The following CEACAM4 variants were observed in gnomAD, a reference collection of about 807,000 sequenced individuals.
CEACAM4 encodes the protein cell adhesion molecule CEACAM4.
In CEACAM4, 30 loss-of-function variants were observed where a neutral mutation model predicts 28.7. The ratio of observed to expected loss-of-function variants is 1.05; its 90% confidence interval spans 0.78 to 1.42. The LOEUF is 1.42. Ranked by LOEUF, CEACAM4 falls within the 40% of genes most tolerant of loss-of-function variation. The pLI, the probability that CEACAM4 is intolerant of heterozygous loss-of-function variation, is 0.00. For missense variants in CEACAM4, 330 were observed against 308.2 expected (o/e 1.07, Z -0.53); for synonymous variants, 143 against 126.5 (o/e 1.13, Z -0.87).
At chr19:41,615,785 C>G (rs2070976343), downstream of CEACAM4, among the ~76,000 whole-genome samples, 2 of 152,072 alleles carry the variant, frequency 1.3e-5, no homozygotes, top group African/African-American at 4.8e-5. Context: ...CAGAAGCCCT[C>G]CATTGTACCC....
intron 4 of CEACAM4, 46 bp from the exon 5 acceptor site, chr19:41,620,288 G>A: frequency 1.4e-6 from 2 of 1,418,580 alleles, no homozygotes; most frequent in Non-Finnish European, 1.8e-6. Flanking sequence ...AGGAGAGCCT[G>A]GGCCCCTCCT....
rs767572226 is a variant in CEACAM4 at position 41,619,122 on chromosome 19, C to A, written c.*208G>T. ...CCCGCTTCCTGTGGTGATGAGAGGC[C>A]TTTGTCCCGGCCCACCCAGAGCCCA... On this transcript the variant is annotated 3_prime_UTR_variant, in exon 7 of 7. Coordinates refer to ENST00000221954, the MANE Select transcript of CEACAM4 (RefSeq NM_001817.4). 2 of 575,562 alleles carry A rather than the reference C, an allele frequency of 3.5e-6. No individual in the cohort carries two copies. Among genetic ancestry groups the A allele is most frequent in the Non-Finnish European group, 6.2e-6 (2 of 325,036 alleles). 35.7% of individuals were successfully genotyped at this position (575,562 alleles called of 1,614,324 possible). A position where few individuals can be genotyped will look rare whatever the true frequency, so the allele number is the denominator to read the frequency against.
chr19:41,619,835 C>G (rs1555800429), intron 5 of CEACAM4, 124 bp from the exon 6 acceptor site: 1 of 828,006 alleles, frequency 1.2e-6, no homozygotes, highest in Middle Eastern at 2.8e-4. Flanking sequence ...ACTCATTTCC[C>G]CTCAGGATTG....
downstream of CEACAM4, chr19:41,618,994 C>T (rs2071080964): frequency 3.1e-6 from 1 of 325,406 alleles, no homozygotes; most frequent in South Asian, 9.5e-5. Context: ...GCTAAGTTCC[C>T]GTGAGCAGAA....
At chr19:41,619,966 C>T (rs9304596) in intron 5 of CEACAM4, among the ~76,000 whole-genome samples, 44,533 of 152,034 alleles carry the variant, frequency 0.29, 6,999 homozygotes, top group Non-Finnish European at 0.34. Context: ...CCAGTGTCCA[C>T]TCTGCACCTG....
At chr19:41,621,608 G>T (rs547195118) in intron 3 of CEACAM4, 43 bp downstream of exon 3, 3 of 1,121,248 alleles carry the variant, frequency 2.7e-6, no homozygotes, top group South Asian at 2.6e-5. Flanking sequence ...CCTGACTGGG[G>T]TCAGCCTAGG....
intron 2 of CEACAM4, among the ~76,000 whole-genome samples, chr19:41,622,981 T>C (rs781910654): frequency 8.5e-5 from 13 of 152,222 alleles, no homozygotes; most frequent in Non-Finnish European, 1.6e-4. Flanking sequence ...GTCTATGCTT[T>C]CCATTGCAGC....
In CEACAM4 at chr19:41,625,974, ACAG is replaced by A. The variant is rs2071623192; in HGVS notation, c.65-17_65-15del. On this transcript the variant is annotated splice_polypyrimidine_tract_variant and intron_variant, in intron 1 of 6. Coordinates refer to ENST00000221954, the MANE Select transcript of CEACAM4 (RefSeq NM_001817.4). ...TTAAAAGTGAGGCTAGGAGGTGAAGACAGCATCAGTCAATACTGGGACCTATGG... is the reference window on the plus strand; with the variant it reads ...TTAAAAGTGAGGCTAGGAGGTGAAGACATCAGTCAATACTGGGACCTATGG... 1 of 1,597,408 alleles carries A rather than the reference ACAG, an allele frequency of 6.3e-7. No homozygotes were observed. The highest frequency in any genetic ancestry group is 1.3e-5 in the African/African-American group (1 of 74,458).
downstream of CEACAM4, among the ~76,000 whole-genome samples, chr19:41,616,034 T>C (rs1217671140): frequency 2.0e-5 from 3 of 152,008 alleles, no homozygotes; most frequent in African/African-American, 7.3e-5. Flanking sequence ...ATTCTTTTTG[T>C]TTTGTTTTGT....
chr19:41,620,006 AG>A (rs1317255757), intron 5 of CEACAM4, among the ~76,000 whole-genome samples: 1 of 152,046 alleles, frequency 6.6e-6, no homozygotes, highest in Non-Finnish European at 1.5e-5. Context: ...TCAGGTGTAG[AG>A]GGTCCCGGGG....
At position 41,619,132 on chromosome 19, in the gene CEACAM4, G is replaced by T; in HGVS notation, c.*198C>A. 1.7e-6 allele frequency: 1 copy of T among 582,636 alleles called. No individual in the cohort carries two copies. The allele number at this position is 582,636 out of a possible 1,614,324, so 36.1% of individuals were successfully genotyped here. On this transcript the variant is annotated 3_prime_UTR_variant, in exon 7 of 7. Coordinates refer to ENST00000221954, the MANE Select transcript of CEACAM4 (RefSeq NM_001817.4). ...GTGGTGATGAGAGGCCTTTGTCCCG[G>T]CCCACCCAGAGCCCAGGGCAACCTG... is the stretch of plus-strand genomic sequence containing the variant.
At chr19:41,620,466 C>G in intron 4 of CEACAM4, 109 bp downstream of exon 4, 1 of 985,276 alleles carries the variant, frequency 1.0e-6, no homozygotes, top group Non-Finnish European at 1.5e-6. Context: ...CTGACATCCT[C>G]CTTGCAGCCC....
chr19:41,626,031 C>G, intron 1 of CEACAM4, 71 bp from the exon 2 acceptor site: 1 of 1,423,022 alleles, frequency 7.0e-7, no homozygotes. Flanking sequence ...GGCCCTGGGT[C>G]CTCAGCAGGT....
intron 3 of CEACAM4, 130 bp from the exon 4 acceptor site, chr19:41,620,757 G>C: frequency 1.3e-6 from 1 of 784,236 alleles, no homozygotes; most frequent in Non-Finnish European, 2.2e-6. Flanking sequence ...TCAGTTTCGT[G>C]GTAGGAGCGG....
chr19:41,621,363 G>A (rs577034963), intron 3 of CEACAM4, among the ~76,000 whole-genome samples: 2 of 152,170 alleles, frequency 1.3e-5, no homozygotes, highest in African/African-American at 4.8e-5. Context: ...GAGCACTCCC[G>A]TCTTATCTCC....
chr19:41,619,423 C>A, intron 6 of CEACAM4, 28 bp from the exon 7 acceptor site: 1 of 1,611,074 alleles, frequency 6.2e-7, no homozygotes, highest in Non-Finnish European at 8.5e-7. Context: ...AGGCCTCAAC[C>A]CCTGTAGCCT....
intron 4 of CEACAM4, 149 bp downstream of exon 4, chr19:41,620,426 A>T (rs2071201850): frequency 1.2e-6 from 1 of 848,028 alleles, no homozygotes; most frequent in Non-Finnish European, 1.8e-6. Context: ...AGTCTGAACA[A>T]GACAGTCGGG....
chr19:41,625,408 A>C (rs1555803389), intron 2 of CEACAM4, among the ~76,000 whole-genome samples, 193 bp downstream of exon 2: 2 of 151,706 alleles, frequency 1.3e-5, no homozygotes. Context: ...CAGTGTCTGC[A>C]GGGCCTGGAT....
At chr19:41,618,846 G>C (rs575985299), downstream of CEACAM4, 7 of 160,174 alleles carry the variant, frequency 4.4e-5, no homozygotes, top group Admixed American at 4.4e-4. Context: ...GCCCTTTCCT[G>C]TGTAGGGCCC....
Sources: gnomAD v4.1 joint callset for allele counts (sites outside exome capture counted in the v4.1 genomes callset) on GRCh38, gnomAD v4.1.1 for gene constraint, MANE v1.5 for transcripts, NCBI Gene and HGNC (gene_info 2026-07-23, HGNC 2026-07-21) for gene names.